Variants in R3HCC1L observed in about 807,000 individuals in gnomAD.
The protein encoded by R3HCC1L is coiled-coil domain-containing protein R3HCC1L.
R3HCC1L carries 51 observed loss-of-function variants against 59.9 expected under a neutral mutation model. The observed-to-expected ratio is 0.85, with a 90% CI of 0.68 to 1.07. The LOEUF is 1.07. R3HCC1L is among the 50% of genes least tolerant of loss of function. The pLI, the probability that R3HCC1L is intolerant of heterozygous loss-of-function variation, is 0.00. For synonymous variants in R3HCC1L, 322 were observed against 315.2 expected, an observed-to-expected ratio of 1.02 and a Z score of -0.23; for missense variants, 965 against 933.0, an observed-to-expected ratio of 1.03 and a Z score of -0.45.
rs941723318 is a variant in R3HCC1L at position 98,163,411 on chromosome 10, A to G, written c.-15+14A>G. The G allele has an allele frequency of 2.5e-5, 32 of 1,297,254 alleles. No homozygotes were observed. The African/African-American group carries it at 4.8e-4, about 19-fold the overall frequency. 80.4% of individuals were successfully genotyped at this position (1,297,254 alleles called of 1,614,324 possible). A position where few individuals can be genotyped will look rare whatever the true frequency, so the allele number is the denominator to read the frequency against. Reference sequence around the variant, plus strand: ...GTTACTTACATGGTAAGTTGCCTTTACTTATGCATATTTTATAGAAATACT... The same window carrying G: ...GTTACTTACATGGTAAGTTGCCTTTGCTTATGCATATTTTATAGAAATACT... On this transcript the variant is annotated intron_variant, in intron 4 of 9. Transcript: ENST00000298999.
At chr10:98,204,412 A>G (rs894249397) in intron 4 of R3HCC1L, among the ~76,000 whole-genome samples, 6 of 152,130 alleles carry the variant, frequency 3.9e-5, no homozygotes, top group East Asian at 3.9e-4. Context: ...TCAAAAAAAA[A>G]AGAGAGAGAG....
intron 2 of R3HCC1L, among the ~76,000 whole-genome samples, chr10:98,161,250 T>C (rs1003603355): frequency 1.3e-5 from 2 of 152,148 alleles, no homozygotes; most frequent in African/African-American, 4.8e-5. Flanking sequence ...CTCAATATAG[T>C]TTTAATGTTT....
intron 4 of R3HCC1L, among the ~76,000 whole-genome samples, chr10:98,171,699 A>G (rs905107896): frequency 6.6e-6 from 1 of 152,202 alleles, no homozygotes; most frequent in African/African-American, 2.4e-5. Context: ...AAAAGAGAGC[A>G]TGTAGGTTCT....
intron 4 of R3HCC1L, among the ~76,000 whole-genome samples, chr10:98,183,532 A>G (rs1463849379): frequency 6.6e-6 from 1 of 151,682 alleles, no homozygotes; most frequent in Non-Finnish European, 1.5e-5. Flanking sequence ...TTTGGTTATT[A>G]TCTCTTCATA....
intron 1 of R3HCC1L, among the ~76,000 whole-genome samples, chr10:98,139,481 G>A (rs2133845327): frequency 6.6e-6 from 1 of 152,312 alleles, no homozygotes; most frequent in South Asian, 2.1e-4. Context: ...TTCATGCCTT[G>A]AAAGAGTACC....
chr10:98,154,902 C>G (rs1846685339), intron 1 of R3HCC1L, among the ~76,000 whole-genome samples: 1 of 152,132 alleles, frequency 6.6e-6, no homozygotes, highest in African/African-American at 2.4e-5. Context: ...TTAGGATTAT[C>G]AGTTTCTCAT....
intron 4 of R3HCC1L, among the ~76,000 whole-genome samples, chr10:98,188,264 G>A (rs1009118539): frequency 6.6e-6 from 1 of 152,200 alleles, no homozygotes; most frequent in Non-Finnish European, 1.5e-5. Context: ...TTGCTTTCAA[G>A]GAGTTGTAGG....
intron 4 of R3HCC1L, among the ~76,000 whole-genome samples, chr10:98,189,132 T>G (rs1371971701): frequency 1.3e-5 from 2 of 152,222 alleles, no homozygotes; most frequent in African/African-American, 4.8e-5. Flanking sequence ...GTATGTAATT[T>G]GGACACTCTG....
intron 1 of R3HCC1L, among the ~76,000 whole-genome samples, chr10:98,153,609 T>TAAAAAAAA (rs1160637755): frequency 2.2e-4 from 18 of 80,992 alleles, no homozygotes; most frequent in Non-Finnish European, 4.0e-4. Flanking sequence ...AATGATCAAT[T>TAAAAAAAA]AAAAAAAAAA....
In R3HCC1L at chr10:98,149,028, G is replaced by A. The variant is rs376244349; in HGVS notation, c.-267-7065G>A. Among the ~76,000 whole-genome samples, 6 of 152,134 alleles carry A rather than the reference G, an allele frequency of 3.9e-5. No individual in the cohort carries two copies. In the South Asian group the frequency reaches 1.0e-3, roughly 26 times the overall value. The stretch of plus-strand genomic sequence containing the variant: ...TCTTTAATGGGAGACTTTTTATTAC[G>A]GCTTCAATCTGGCTATTTCTTATTG... On this transcript the variant is annotated intron_variant, in intron 1 of 9. Transcript: ENST00000298999.
At chr10:98,227,063 A>G (rs559066660) in intron 5 of R3HCC1L, among the ~76,000 whole-genome samples, 27 of 152,318 alleles carry the variant, frequency 1.8e-4, no homozygotes, top group South Asian at 4.1e-4. Context: ...TGCTTTCTAC[A>G]TCCTAAGCAG....
intron 4 of R3HCC1L, among the ~76,000 whole-genome samples, chr10:98,201,712 T>C (rs1852064921): frequency 6.6e-6 from 1 of 152,180 alleles, no homozygotes; most frequent in South Asian, 2.1e-4. Flanking sequence ...TTATGCTATG[T>C]CTGGTAAAGG....
intron 4 of R3HCC1L, among the ~76,000 whole-genome samples, chr10:98,176,312 C>T (rs1564649350): frequency 6.6e-6 from 1 of 152,096 alleles, no homozygotes. Flanking sequence ...TGTAGAAAGT[C>T]CTTCTGGATT....
intron 9 of R3HCC1L, among the ~76,000 whole-genome samples, chr10:98,243,346 A>G (rs1263109126): frequency 2.0e-5 from 3 of 152,186 alleles, no homozygotes; most frequent in African/African-American, 4.8e-5. Context: ...TAGCCATGCA[A>G]TTGGAACTGG....
In R3HCC1L at chr10:98,208,945, T is replaced by C; in HGVS notation, c.831T>C (p.Phe277=). The C allele has an allele frequency of 1.2e-6, 2 of 1,614,104 alleles. No individual in the cohort carries two copies. Among genetic ancestry groups the C allele is most frequent in the Non-Finnish European group, 8.5e-7 (1 of 1,179,982 alleles). ...TSVPGSPDGV[F]DQTCVDFEVE... is the part of the protein sequence containing the mutation. ...TTCCTGGAAGTCCAGATGGTGTCTT[T>C]GATCAAACTTGCGTAGATTTTGAAG... Residue 277 remains phenylalanine (F), a synonymous_variant, in exon 5 of 10, where the codon TTT becomes TTC. Coordinates refer to ENST00000298999, the MANE Select transcript of R3HCC1L (RefSeq NM_001351015.2).
chr10:98,208,518 CTT>C lies in R3HCC1L; in HGVS notation c.406_407del (p.Leu136AlafsTer5), dbSNP rs758788220. The stretch of plus-strand genomic sequence containing the variant: ...AATGCTGGGGTTATAACTAATGCAC[CTT>C]TGCAGAGACATTTTAAACCAAAGAA... On this transcript the variant is annotated frameshift_variant, in exon 5 of 10. Transcript: ENST00000298999. LOFTEE classifies it high-confidence loss of function. The C allele has an allele frequency of 3.1e-6, 5 of 1,613,966 alleles. No individual in the cohort carries two copies. In the East Asian group the frequency reaches 1.1e-4, roughly 36 times the overall value.
intron 1 of R3HCC1L, among the ~76,000 whole-genome samples, chr10:98,142,784 A>C (rs959825437): frequency 6.6e-6 from 1 of 152,012 alleles, no homozygotes; most frequent in African/African-American, 2.4e-5. Context: ...AAAATACAAA[A>C]ATTAGCCAGG....
intron 9 of R3HCC1L, among the ~76,000 whole-genome samples, chr10:98,236,866 A>C (rs892787576): frequency 2.0e-5 from 3 of 152,214 alleles, no homozygotes; most frequent in Admixed American, 6.5e-5. Flanking sequence ...ACTTTTTATC[A>C]ACCTTCAGGC....
intron 5 of R3HCC1L, among the ~76,000 whole-genome samples, chr10:98,213,130 G>C (rs1341179719): frequency 1.3e-5 from 2 of 152,216 alleles, no homozygotes; most frequent in East Asian, 3.9e-4. Flanking sequence ...TTATAATCCA[G>C]TCACTAAAAG....
Sources: gnomAD v4.1 joint callset for allele counts (sites outside exome capture counted in the v4.1 genomes callset) on GRCh38, gnomAD v4.1.1 for gene constraint, MANE v1.5 for transcripts, NCBI Gene and HGNC (gene_info 2026-07-23, HGNC 2026-07-21) for gene names.